ZNF66: variants seen among roughly 807,000 people sequenced by gnomAD.
ZNF66 encodes the protein zinc finger protein 66.
In ZNF66, 32 loss-of-function variants were observed where a neutral mutation model predicts 35.2. That is an observed-to-expected ratio of 0.91 (90% confidence interval 0.69 to 1.22). The LOEUF is 1.22. Among genes scored for constraint, ZNF66 ranks in the 50% most tolerant of loss-of-function variants. ZNF66 has a pLI of 0.00. For missense variants in ZNF66, 666 were observed against 543.1 expected, an observed-to-expected ratio of 1.23 and a Z score of -2.25; for synonymous variants, 231 against 181.3, an observed-to-expected ratio of 1.27 and a Z score of -2.20.
At chr19:20,784,871 C>G (rs182705815) in intron 1 of ZNF66, 51 of 152,770 alleles carry the variant, frequency 3.3e-4, no homozygotes, top group African/African-American at 1.2e-3. Context: ...TAACTTCCTT[C>G]TCTCAAAATT....
chr19:20,778,045 A>T (rs1225966846), intron 1 of ZNF66, among the ~76,000 whole-genome samples: 3 of 152,172 alleles, frequency 2.0e-5, no homozygotes, highest in Admixed American at 6.5e-5. Flanking sequence ...AAGTGATGAA[A>T]CATGGTACCT....
chr19:20,803,154 TG>T (rs954164771), intron 3 of ZNF66, among the ~76,000 whole-genome samples: 93 of 152,288 alleles, frequency 6.1e-4, no homozygotes, highest in African/African-American at 2.2e-3. Context: ...AGTTGAATCT[TG>T]ATTTTTAAAA....
intron 3 of ZNF66, among the ~76,000 whole-genome samples, chr19:20,802,570 T>C (rs1372528425): frequency 6.6e-6 from 1 of 152,204 alleles, no homozygotes; most frequent in East Asian, 1.9e-4. Context: ...ATTTCAGTTT[T>C]AAAAAATGTG....
chr19:20,788,138 T>C (rs1434269890), intron 1 of ZNF66, among the ~76,000 whole-genome samples: 1 of 152,198 alleles, frequency 6.6e-6, no homozygotes, highest in African/African-American at 2.4e-5. Context: ...AGTTTCCTGT[T>C]ACTTGGATGA....
Position 20,806,344 on chromosome 19 carries a change from G to A in ZNF66, c.744G>A (p.Lys248=), listed in dbSNP as rs143237545. 2.6e-6 allele frequency: 4 copies of A among 1,558,300 alleles called. No individual in the cohort carries two copies. The African/African-American group carries it at 5.4e-5, about 21-fold the overall frequency. The change falls in exon 4 of 4, where the codon AAG becomes AAA. Residue 248 remains lysine, a synonymous_variant. Transcript: ENST00000344519. ...FNRSSNLTTH[K]KIHTGEKPYK... ...GCTCCTCTAACCTTACTACACATAA[G>A]AAAATTCATACTGGAGAGAAACCCT...
intron 3 of ZNF66, 72 bp from the exon 4 acceptor site, chr19:20,805,755 T>C (rs1165777940): frequency 2.2e-6 from 1 of 457,216 alleles, no homozygotes. Flanking sequence ...TATAATTTTA[T>C]AGGTTAGATT....
chr19:20,804,412 T>G (rs183275194), intron 3 of ZNF66, among the ~76,000 whole-genome samples: 1 of 152,092 alleles, frequency 6.6e-6, no homozygotes, highest in East Asian at 1.9e-4. Flanking sequence ...CTTGGCTATT[T>G]TTTTATATTT....
In ZNF66 at chr19:20,806,669, A is replaced by C. The variant is rs777778551; in HGVS notation, c.1069A>C (p.Thr357Pro). ...GKGFKYSSTL[T>P]KHKIIHTGEK... ...AGGCTTTAAGTACTCCTCTACCCTT[A>C]CTAAACATAAAATAATCCATACTGG... The change falls in exon 4 of 4, where the codon ACT becomes CCT. Residue 357 changes from threonine (T) to proline (P), a missense_variant. Transcript: ENST00000344519. 2.0e-6 allele frequency: 3 copies of C among 1,509,226 alleles called. No individual in the cohort carries two copies. The highest frequency in any genetic ancestry group is 2.8e-6 in the Non-Finnish European group (3 of 1,087,376). 93.5% of individuals were successfully genotyped at this position (1,509,226 alleles called of 1,614,324 possible).
At position 20,806,106 on chromosome 19, in the gene ZNF66, G is replaced by GA. The variant is rs769183544; in HGVS notation, c.512dup (p.Asn171LysfsTer13). 65 of 963,648 alleles carry GA rather than the reference G, an allele frequency of 6.7e-5. 1 individual carries two copies. Among genetic ancestry groups the GA allele is most frequent in the South Asian group, 1.3e-5 (1 of 74,788 alleles). 59.7% of individuals were successfully genotyped at this position (963,648 alleles called of 1,614,324 possible). A position where few individuals can be genotyped will look rare whatever the true frequency, so the allele number is the denominator to read the frequency against. ...AACAGACATAAGATAAGACATACTG[G>GA]AAAAAACCCTTGCAAATTTACAGAA... is the stretch of plus-strand genomic sequence containing the variant. On this transcript the variant is annotated frameshift_variant, in exon 4 of 4. Transcript: ENST00000344519. LOFTEE classifies it high-confidence loss of function.
intron 1 of ZNF66, among the ~76,000 whole-genome samples, chr19:20,791,653 A>T (rs1325947355): frequency 3.9e-5 from 6 of 152,028 alleles, no homozygotes; most frequent in Non-Finnish European, 5.9e-5. Flanking sequence ...CTGTATTTTG[A>T]GGTTTGCATA....
chr19:20,808,634 T>C lies in ZNF66; in HGVS notation c.*1312T>C, dbSNP rs1379387211. On this transcript the variant is annotated 3_prime_UTR_variant, in exon 4 of 4. Transcript: ENST00000344519. ...ACTCCAACAGACCTGCAGCTGAGGG[T>C]CCTGTCTGTTAGAAGGAAAACTAAC... Among the ~76,000 whole-genome samples the C allele has an allele frequency of 6.6e-6, 1 of 152,000 alleles. No homozygotes were observed. The highest frequency in any genetic ancestry group is 1.5e-5 in the Non-Finnish European group (1 of 68,010).
intron 1 of ZNF66, among the ~76,000 whole-genome samples, chr19:20,786,059 C>G (rs540159266): frequency 7.2e-5 from 11 of 152,132 alleles, no homozygotes; most frequent in African/African-American, 1.2e-4. Flanking sequence ...TGAGTCACTA[C>G]TCCCAGCCCA....
chr19:20,809,780 C>G lies in ZNF66; in HGVS notation c.*2458C>G, dbSNP rs192053003. 6.6e-6 allele frequency among the ~76,000 whole-genome samples: 1 copy of G among 151,618 alleles called. No homozygotes were observed. Among genetic ancestry groups the G allele is most frequent in the African/African-American group, 2.4e-5 (1 of 41,232 alleles). ...GGAAGAAACTGCATGAACTAACGAGCAAAATAACCAGCTAACATCATAATG... is the reference window on the plus strand; with the variant it reads ...GGAAGAAACTGCATGAACTAACGAGGAAAATAACCAGCTAACATCATAATG... On this transcript the variant is annotated 3_prime_UTR_variant, in exon 4 of 4. Transcript: ENST00000344519.
In ZNF66 at chr19:20,806,719, A is replaced by T. The variant is rs1265144290; in HGVS notation, c.1119A>T (p.Glu373Asp). 7.0e-7 allele frequency: 1 copy of T among 1,432,146 alleles called. No homozygotes were observed. Among genetic ancestry groups the T allele is most frequent in the East Asian group, 2.3e-5 (1 of 43,978 alleles). The allele number at this position is 1,432,146 out of a possible 1,614,324, so 88.7% of individuals were successfully genotyped here. The change falls in exon 4 of 4, where the codon GAA (glutamate) becomes GAT (aspartate). Residue 373 changes from glutamate (E) to aspartate (D), a missense_variant. Transcript: ENST00000344519. ...HTGEKPYKCE[E>D]CGEAFKYSCS... ...GAGAGAAACCCTACAAATGTGAAGA[A>T]TGTGGTGAAGCCTTTAAGTACTCCT... is the stretch of plus-strand genomic sequence containing the variant.
rs192869302 is a variant in ZNF66 at position 20,797,521 on chromosome 19, C to T, written c.226+3643C>T. Among the ~76,000 whole-genome samples, 64 of 148,926 alleles carry T rather than the reference C, an allele frequency of 4.3e-4. 1 individual carries two copies. The East Asian group carries it at 8.9e-3, about 21-fold the overall frequency. ...GCGCCCGGCCGATTTTATGAGTAAA[C>T]ATTTATTATTGTTTTGAAGTTTTAT... is the stretch of plus-strand genomic sequence containing the variant. On this transcript the variant is annotated intron_variant, in intron 3 of 3. Coordinates refer to ENST00000344519, the MANE Select transcript of ZNF66 (RefSeq NM_001355197.2).
chr19:20,776,715 A>G (rs1971198169), intron 1 of ZNF66, among the ~76,000 whole-genome samples: 3 of 152,098 alleles, frequency 2.0e-5, no homozygotes, highest in Admixed American at 1.3e-4. Context: ...CAGATTGTGC[A>G]GGGACCACCG....
chr19:20,790,677 T>G (rs1454094039), intron 1 of ZNF66, among the ~76,000 whole-genome samples: 1 of 152,134 alleles, frequency 6.6e-6, no homozygotes, highest in Non-Finnish European at 1.5e-5. Context: ...AAAGGCATAT[T>G]CTCAAGATGC....
Position 20,808,890 on chromosome 19 carries a change from A to T in ZNF66, c.*1568A>T, listed in dbSNP as rs566103933. Among the ~76,000 whole-genome samples, 87 of 152,148 alleles carry T rather than the reference A, an allele frequency of 5.7e-4. No individual in the cohort carries two copies. The East Asian group carries it at 0.016, about 28-fold the overall frequency. ...AGAGAAGAAGGCTTCAGACGATCAAACTACTCCGAGCTACAGGAGGAAATT... is the reference window on the plus strand; with the variant it reads ...AGAGAAGAAGGCTTCAGACGATCAATCTACTCCGAGCTACAGGAGGAAATT... On this transcript the variant is annotated 3_prime_UTR_variant, in exon 4 of 4. Transcript: ENST00000344519.
At position 20,776,415 on chromosome 19, in the gene ZNF66, G is replaced by C. The variant is rs762473956; in HGVS notation, c.-33G>C. On this transcript the variant is annotated 5_prime_UTR_variant, in exon 1 of 4. Transcript: ENST00000344519. ...TCCTGCAGGTATTGGGAGATCCACA[G>C]CTAAGACGCCAGGACCCCCTGGAAG... 6.4e-7 allele frequency: 1 copy of C among 1,556,582 alleles called. No individual in the cohort carries two copies. Among genetic ancestry groups the C allele is most frequent in the Non-Finnish European group, 8.9e-7 (1 of 1,129,648 alleles).
Sources: allele counts gnomAD v4.1 joint callset (sites outside exome capture counted in the v4.1 genomes callset), GRCh38; gene constraint gnomAD v4.1.1; transcripts MANE v1.5; gene names NCBI Gene and HGNC (gene_info 2026-07-23, HGNC 2026-07-21).